PHACTR1: variants seen among roughly 807,000 people sequenced by gnomAD.
PHACTR1 encodes the protein RPEL repeat containing 1.
Under a neutral mutation model 69.2 loss-of-function variants are expected in PHACTR1, and 16 were observed. That is an observed-to-expected ratio of 0.23 (90% CI 0.16 to 0.35). The LOEUF (loss-of-function observed/expected upper bound fraction) is 0.35. PHACTR1 is among the 10% of genes least tolerant of loss of function. PHACTR1 has a pLI of 1.00. For synonymous variants in PHACTR1, 312 were observed against 284.5 expected, an observed-to-expected ratio of 1.10 and a Z score of -0.97; for missense variants, 510 against 734.7, an observed-to-expected ratio of 0.69 and a Z score of 3.54.
intron 7 of PHACTR1, among the ~76,000 whole-genome samples, chr6:13,194,426 G>C (rs56854521): frequency 8.5e-6 from 1 of 117,068 alleles, no homozygotes; most frequent in Non-Finnish European, 1.7e-5. Context: ...AAGAAAGAAA[G>C]GAAAAAGAAA....
chr6:12,769,827 A>G (rs1769152229), intron 4 of PHACTR1, among the ~76,000 whole-genome samples: 1 of 152,176 alleles, frequency 6.6e-6, no homozygotes, highest in Admixed American at 6.5e-5. Context: ...GTACAGATAG[A>G]TCTGTGTACA....
intron 4 of PHACTR1, among the ~76,000 whole-genome samples, chr6:13,004,409 C>T (rs1798528208): frequency 6.6e-6 from 1 of 151,936 alleles, no homozygotes; most frequent in Admixed American, 6.6e-5. Flanking sequence ...TTTGTTGGCC[C>T]TTTGTATGTT....
At chr6:13,059,595 C>T (rs1296855291) in intron 5 of PHACTR1, among the ~76,000 whole-genome samples, 3 of 152,110 alleles carry the variant, frequency 2.0e-5, no homozygotes, top group Admixed American at 6.6e-5. Context: ...GGTCCAAACT[C>T]ATCTACTTGT....
chr6:12,822,435 G>A (rs1347678972), intron 4 of PHACTR1, among the ~76,000 whole-genome samples: 1 of 152,188 alleles, frequency 6.6e-6, no homozygotes, highest in Non-Finnish European at 1.5e-5. Context: ...AAGGAGGGCT[G>A]GGGCCCAGCC....
At chr6:12,840,862 T>C (rs558939866) in intron 4 of PHACTR1, among the ~76,000 whole-genome samples, 2 of 152,360 alleles carry the variant, frequency 1.3e-5, no homozygotes, top group South Asian at 4.1e-4. Flanking sequence ...GAAGGAAGTA[T>C]TTAAGTGATG....
intron 4 of PHACTR1, among the ~76,000 whole-genome samples, chr6:12,793,164 G>C (rs181532248): frequency 1.7e-3 from 258 of 152,292 alleles, no homozygotes; most frequent in Admixed American, 4.8e-3. Flanking sequence ...GAAGTTATTA[G>C]GTCAGTATTT....
chr6:12,720,069 G>C (rs1315477570), intron 3 of PHACTR1, among the ~76,000 whole-genome samples: 1 of 152,220 alleles, frequency 6.6e-6, no homozygotes, highest in African/African-American at 2.4e-5. Context: ...ACATAAAAAT[G>C]TGAGTGAAGA....
intron 4 of PHACTR1, among the ~76,000 whole-genome samples, chr6:12,761,933 C>CAGCT (rs1768068317): frequency 6.6e-6 from 1 of 152,238 alleles, no homozygotes; most frequent in Admixed American, 6.5e-5. Context: ...GCTGTGAAGC[C>CAGCT]AGCTGCCCTG....
chr6:13,019,021 T>C (rs1800576382), intron 4 of PHACTR1, among the ~76,000 whole-genome samples: 1 of 151,320 alleles, frequency 6.6e-6, no homozygotes, highest in East Asian at 1.9e-4. Context: ...TTTGTGTATA[T>C]ATATACATAT....
intron 8 of PHACTR1, among the ~76,000 whole-genome samples, chr6:13,216,072 G>A (rs1192361872): frequency 6.6e-6 from 1 of 152,154 alleles, no homozygotes; most frequent in African/African-American, 2.4e-5. Context: ...AGATGAATTT[G>A]TCAAGAATAT....
intron 5 of PHACTR1, among the ~76,000 whole-genome samples, chr6:13,055,306 C>A (rs561241208): frequency 6.6e-6 from 1 of 152,078 alleles, no homozygotes; most frequent in African/African-American, 2.4e-5. Flanking sequence ...CTTAAGGTGT[C>A]GCAAAACCTG....
chr6:12,852,267 T>C (rs1779907546), intron 4 of PHACTR1, among the ~76,000 whole-genome samples: 1 of 152,194 alleles, frequency 6.6e-6, no homozygotes, highest in Non-Finnish European at 1.5e-5. Context: ...GGGTGACCCA[T>C]GCCTTTCTCT....
chr6:13,048,910 A>G (rs1397156932), intron 4 of PHACTR1, among the ~76,000 whole-genome samples: 1 of 152,354 alleles, frequency 6.6e-6, no homozygotes, highest in East Asian at 1.9e-4. Flanking sequence ...CAATATCATT[A>G]TCTGATGGCA....
rs114939986 is a variant in PHACTR1, at chr6:12,938,796, G to A, written c.251-114569G>A. On this transcript the variant is annotated intron_variant, in intron 4 of 14. Coordinates refer to ENST00000332995, the MANE Select transcript of PHACTR1 (RefSeq NM_030948.6). ...CATTTTCTACAATTTTATGTAAACGGAACACTAAAGGATGAACTTTTTTTT... is the reference window on the plus strand; with the variant it reads ...CATTTTCTACAATTTTATGTAAACGAAACACTAAAGGATGAACTTTTTTTT... 7.8e-3 allele frequency among the ~76,000 whole-genome samples: 1,183 copies of A among 152,166 alleles called. 18 individuals are homozygous for A. Among genetic ancestry groups the A allele is most frequent in the African/African-American group, 0.027 (1,105 of 41,508 alleles).
chr6:13,194,434 A>G (rs1174882004), intron 7 of PHACTR1, among the ~76,000 whole-genome samples: 2 of 150,476 alleles, frequency 1.3e-5, no homozygotes, highest in Admixed American at 1.3e-4. Context: ...AAGGAAAAAG[A>G]AAAGAGAGCA....
At chr6:12,937,594 C>T (rs1433946132) in intron 4 of PHACTR1, among the ~76,000 whole-genome samples, 1 of 151,722 alleles carries the variant, frequency 6.6e-6, no homozygotes, top group Non-Finnish European at 1.5e-5. Flanking sequence ...TGTCAGGTGG[C>T]GGTAAGAGTT....
intron 5 of PHACTR1, among the ~76,000 whole-genome samples, chr6:13,149,242 AG>A (rs1823928027): frequency 6.6e-6 from 1 of 152,156 alleles, no homozygotes; most frequent in African/African-American, 2.4e-5. Flanking sequence ...ACTCCATAAA[AG>A]GGTCATATTG....
At chr6:12,905,144 G>A (rs1030477469) in intron 4 of PHACTR1, among the ~76,000 whole-genome samples, 2 of 152,164 alleles carry the variant, frequency 1.3e-5, no homozygotes, top group African/African-American at 4.8e-5. Context: ...CTTAAATGGG[G>A]ACAAGATAGC....
intron 7 of PHACTR1, among the ~76,000 whole-genome samples, chr6:13,203,341 G>T (rs1328961116): frequency 6.6e-6 from 1 of 152,174 alleles, no homozygotes; most frequent in Admixed American, 6.5e-5. Flanking sequence ...AACAGGAAGT[G>T]CAGCATAGTG....
Sources: gnomAD v4.1 joint callset for allele counts (sites outside exome capture counted in the v4.1 genomes callset) on GRCh38, gnomAD v4.1.1 for gene constraint, MANE v1.5 for transcripts, NCBI Gene and HGNC (gene_info 2026-07-23, HGNC 2026-07-21) for gene names.